SYNPO: variants seen among roughly 807,000 people sequenced by gnomAD.
The protein encoded by SYNPO is synaptopodin.
SYNPO carries 19 observed loss-of-function variants against 49.5 expected under a neutral mutation model. The ratio of observed to expected loss-of-function variants is 0.38; its 90% CI spans 0.27 to 0.56. The LOEUF is 0.56. Ranked by LOEUF, SYNPO falls within the 20% of genes least tolerant of loss-of-function variation. The probability of loss-of-function intolerance (pLI) is 0.68; values close to 1 mark genes in which losing one functional copy is unlikely to be tolerated. For synonymous variants in SYNPO, 536 were observed against 548.0 expected (o/e 0.98, Z 0.31); for missense variants, 1,131 against 1,248.3 (o/e 0.91, Z 1.42).
intron 2 of SYNPO, among the ~76,000 whole-genome samples, chr5:150,630,728 C>T (rs1451353728): frequency 6.6e-6 from 1 of 152,172 alleles, no homozygotes. Context: ...CCTCCTCCAT[C>T]CCTGCCCAGC....
upstream of SYNPO, among the ~76,000 whole-genome samples, chr5:150,638,535 C>T (rs1561648238): frequency 6.6e-6 from 1 of 152,208 alleles, no homozygotes; most frequent in Non-Finnish European, 1.5e-5. Flanking sequence ...TTTATTTAAT[C>T]AACACAGTGA....
At chr5:150,612,076 T>C (rs532266830) in intron 1 of SYNPO, among the ~76,000 whole-genome samples, 6 of 152,246 alleles carry the variant, frequency 3.9e-5, no homozygotes, top group African/African-American at 1.2e-4. Flanking sequence ...CATCCCCTCT[T>C]TGGGAGAGAA....
chr5:150,645,757 A>G (rs1027202001), intron 1 of SYNPO, among the ~76,000 whole-genome samples: 2 of 152,194 alleles, frequency 1.3e-5, no homozygotes, highest in African/African-American at 4.8e-5. Flanking sequence ...AGTTCCTTAT[A>G]TATCTCTGAA....
At chr5:150,631,273 C>T (rs997035112) in intron 2 of SYNPO, among the ~76,000 whole-genome samples, 1 of 152,196 alleles carries the variant, frequency 6.6e-6, no homozygotes, top group Admixed American at 6.5e-5. Flanking sequence ...AATTACAAAG[C>T]TGATGAGCGT....
chr5:150,651,699 T>C, intron 2 of SYNPO: 1 of 1,000,436 alleles, frequency 1.0e-6, no homozygotes, highest in African/African-American at 1.7e-5. Context: ...ACAGAGGAGA[T>C]CTTAGAATTT....
chr5:150,629,491 T>G (rs1757469634), intron 2 of SYNPO, among the ~76,000 whole-genome samples: 1 of 152,042 alleles, frequency 6.6e-6, no homozygotes, highest in African/African-American at 2.4e-5. Context: ...TCTGAGGGGA[T>G]CATGGGTGTG....
At chr5:150,622,967 C>T (rs1757228286) in intron 2 of SYNPO, among the ~76,000 whole-genome samples, 1 of 152,232 alleles carries the variant, frequency 6.6e-6, no homozygotes, top group South Asian at 2.1e-4. Flanking sequence ...CATATGCACT[C>T]ACACAACTGC....
rs895032713 is a variant in SYNPO, at chr5:150,657,923, C to T, written c.*836C>T. On this transcript the variant is annotated 3_prime_UTR_variant, in exon 3 of 3. Transcript: ENST00000307662. Reference sequence around the variant, plus strand: ...TTTCCCTTAGGCCCAGGACTTGGGCCTCCAGCTCATCTGTTCCTTCTGGGC... The same window carrying T: ...TTTCCCTTAGGCCCAGGACTTGGGCTTCCAGCTCATCTGTTCCTTCTGGGC... 1.3e-5 allele frequency: 2 copies of T among 152,398 alleles called. No homozygotes were observed. Among genetic ancestry groups the T allele is most frequent in the African/African-American group, 4.8e-5 (2 of 41,440 alleles). 9.4% of individuals were successfully genotyped at this position (152,398 alleles called of 1,614,324 possible).
At chr5:150,593,751 C>T in the SYNPO span, among the ~76,000 whole-genome samples, 7 of 152,350 alleles carry the variant, frequency 4.6e-5, no homozygotes, top group South Asian at 8.3e-4. Flanking sequence ...TGAGCCACCA[C>T]GCCCGGGGTG....
intron 2 of SYNPO, among the ~76,000 whole-genome samples, chr5:150,633,937 CAT>C (rs1757623726): frequency 6.6e-6 from 1 of 151,946 alleles, no homozygotes; most frequent in African/African-American, 2.4e-5. Flanking sequence ...GCCTGGGAAA[CAT>C]AGTGAAAACG....
chr5:150,601,111 GCGGGCAGC>G (rs967518970), exon 1 of SYNPO: 8 of 152,712 alleles, frequency 5.2e-5, no homozygotes, highest in African/African-American at 1.9e-4. Context: ...CGGGCAGGCG[GCGGGCAGC>G]CGGGCAGCCG....
intron 2 of SYNPO, among the ~76,000 whole-genome samples, chr5:150,630,472 GC>G (rs1757501361): frequency 1.3e-5 from 2 of 152,210 alleles, no homozygotes; most frequent in African/African-American, 4.8e-5. Flanking sequence ...GGCCTCCTCA[GC>G]CAGGACATTA....
At chr5:150,602,250 T>C (rs1240148193) in intron 1 of SYNPO, among the ~76,000 whole-genome samples, 1 of 152,232 alleles carries the variant, frequency 6.6e-6, no homozygotes, top group African/African-American at 2.4e-5. Flanking sequence ...GTGGTGGCCC[T>C]GCCACTGCCT....
At chr5:150,612,863 T>C (rs1237948365) in intron 1 of SYNPO, among the ~76,000 whole-genome samples, 2 of 152,214 alleles carry the variant, frequency 1.3e-5, no homozygotes, top group Non-Finnish European at 2.9e-5. Context: ...CACTGCAGCC[T>C]TGACCTCCTG....
chr5:150,589,228 A>T, the SYNPO span, among the ~76,000 whole-genome samples: 1 of 151,496 alleles, frequency 6.6e-6, no homozygotes, highest in African/African-American at 2.4e-5. Context: ...CACCCAGCTA[A>T]TTTTTTTGTA....
In SYNPO at chr5:150,649,377, G is replaced by C; in HGVS notation, c.1102G>C (p.Glu368Gln). ...TCCTGCCAGCAAGACGGGCATTCTGGAGGAGTCGATGGCCCGCCGGGGCAG... is the reference window on the plus strand; with the variant it reads ...TCCTGCCAGCAAGACGGGCATTCTGCAGGAGTCGATGGCCCGCCGGGGCAG... ...AVPASKTGILEESMARRGSRK... is the reference protein window; with the variant it reads ...AVPASKTGILQESMARRGSRK... Residue 368 changes from glutamate (E) to glutamine (Q), a missense_variant, in exon 2 of 3, where the codon GAG (glutamate) becomes CAG (glutamine). This residue lies in a region of SYNPO where 602 missense variants were observed against 720.7 expected (regional missense o/e 0.84). Transcript: ENST00000307662. 1 of 1,614,196 alleles carries C rather than the reference G, an allele frequency of 6.2e-7. No individual in the cohort carries two copies. Among genetic ancestry groups the C allele is most frequent in the Non-Finnish European group, 8.5e-7 (1 of 1,180,040 alleles).
Position 150,648,258 on chromosome 5 carries a change from G to T in SYNPO, c.-18G>T. ...CCCCAGTCCCCAGAGCCCCGACAGA[G>T]GGGTCCCTGGCCACAGCATGGAGGG... On this transcript the variant is annotated 5_prime_UTR_variant, in exon 2 of 3. The change creates a new upstream start codon in the 5' untranslated region. Transcript: ENST00000307662. The surrounding 1 kb of genome is among the most constrained non-coding windows in gnomAD (Gnocchi z 5.0). The T allele has an allele frequency of 6.2e-7, 1 of 1,614,112 alleles. No individual in the cohort carries two copies. The highest frequency in any genetic ancestry group is 8.5e-7 in the Non-Finnish European group (1 of 1,179,984).
At chr5:150,602,643 CAG>C (rs1480744871) in intron 1 of SYNPO, among the ~76,000 whole-genome samples, 3 of 152,064 alleles carry the variant, frequency 2.0e-5, no homozygotes, top group Non-Finnish European at 2.9e-5. Context: ...TTTTTAGAGA[CAG>C]AGTCTCGCTC....
At chr5:150,630,033 C>G (rs536447790) in intron 2 of SYNPO, among the ~76,000 whole-genome samples, 17 of 152,262 alleles carry the variant, frequency 1.1e-4, no homozygotes, top group Admixed American at 5.9e-4. Flanking sequence ...ATCCCTGAAG[C>G]TTAGGTCCTG....
Sources: allele counts gnomAD v4.1 joint callset (sites outside exome capture counted in the v4.1 genomes callset), GRCh38; gene constraint gnomAD v4.1.1; regional missense constraint gnomAD v4.1.1; non-coding constraint Gnocchi (gnomAD v3.1); transcripts MANE v1.5; gene names NCBI Gene and HGNC (gene_info 2026-07-23, HGNC 2026-07-21).